Variants in NR3C2 observed in about 807,000 individuals in gnomAD.
NR3C2 encodes mineralocorticoid receptor.
A neutral mutation model predicts 86.4 loss-of-function variants in NR3C2; 15 were observed. The ratio of observed to expected loss-of-function variants is 0.17; its 90% CI spans 0.12 to 0.27. The LOEUF (loss-of-function observed/expected upper bound fraction) is 0.27. Among genes scored for constraint, NR3C2 ranks in the 10% least tolerant of loss-of-function variants. NR3C2 has a pLI of 1.00. For missense variants in NR3C2, 960 were observed against 1,195.6 expected, an observed-to-expected ratio of 0.80 and a Z score of 2.91; for synonymous variants, 458 against 450.5, an observed-to-expected ratio of 1.02 and a Z score of -0.21.
At chr4:148,164,942 T>C (rs888607228) in intron 4 of NR3C2, among the ~76,000 whole-genome samples, 1 of 152,112 alleles carries the variant, frequency 6.6e-6, no homozygotes, top group Non-Finnish European at 1.5e-5. Context: ...CCTACAGTGG[T>C]AGAAATGTGC....
chr4:148,188,743 G>A (rs1045386103), intron 4 of NR3C2, among the ~76,000 whole-genome samples: 4 of 151,914 alleles, frequency 2.6e-5, no homozygotes, highest in Admixed American at 2.0e-4. Flanking sequence ...TTGTCTGATC[G>A]CTCTGGCTAG....
intron 2 of NR3C2, among the ~76,000 whole-genome samples, chr4:148,297,867 C>T (rs546187053): frequency 4.8e-5 from 7 of 147,340 alleles, no homozygotes; most frequent in East Asian, 2.0e-4. Flanking sequence ...CCAGCCTGGG[C>T]GACAAAAGTG....
chr4:148,375,468 A>G (rs1200825690), intron 2 of NR3C2, among the ~76,000 whole-genome samples: 5 of 152,064 alleles, frequency 3.3e-5, no homozygotes, highest in Admixed American at 2.0e-4. Flanking sequence ...AGAAAGAAAA[A>G]AAAAAAAACC....
chr4:148,280,541 C>T (rs1001984994), intron 2 of NR3C2, among the ~76,000 whole-genome samples: 9 of 152,112 alleles, frequency 5.9e-5, no homozygotes, highest in Non-Finnish European at 1.2e-4. Flanking sequence ...CATTATTGCC[C>T]AGGCTGGAGT....
intron 7 of NR3C2, among the ~76,000 whole-genome samples, chr4:148,118,909 T>G (rs2149732179): frequency 6.6e-6 from 1 of 152,244 alleles, no homozygotes; most frequent in South Asian, 2.1e-4. Context: ...TACCCCCCAT[T>G]ATTTCCACAG....
intron 3 of NR3C2, among the ~76,000 whole-genome samples, chr4:148,224,192 C>T (rs1031568821): frequency 5.3e-5 from 8 of 151,514 alleles, no homozygotes; most frequent in African/African-American, 1.9e-4. Flanking sequence ...ATGCAAATCC[C>T]TAATCTCAGG....
intron 8 of NR3C2, among the ~76,000 whole-genome samples, chr4:148,094,175 T>C (rs1212360167): frequency 6.6e-6 from 1 of 152,068 alleles, no homozygotes; most frequent in Non-Finnish European, 1.5e-5. Flanking sequence ...AGGATGGCTA[T>C]TATCAAAAAA....
At chr4:148,086,517 T>C (rs1262216503) in intron 8 of NR3C2, among the ~76,000 whole-genome samples, 1 of 152,150 alleles carries the variant, frequency 6.6e-6, no homozygotes, top group Non-Finnish European at 1.5e-5. Context: ...GGCGGATCAC[T>C]TGAGGTCAGG....
In NR3C2 at chr4:148,241,767, G is replaced by A. The variant is rs577445288; in HGVS notation, c.1897+18211C>T. 2.0e-5 allele frequency among the ~76,000 whole-genome samples: 3 copies of A among 152,316 alleles called. No homozygotes were observed. In the South Asian group the frequency reaches 6.2e-4, roughly 32 times the overall value. On this transcript the variant is annotated intron_variant, in intron 3 of 8. Coordinates refer to ENST00000358102, the MANE Select transcript of NR3C2 (RefSeq NM_000901.5). ...GCCTCTGCCCCCAGTGCCAATGACA[G>A]CATCTGACACCCAGGAGATATTCAA...
intron 2 of NR3C2, among the ~76,000 whole-genome samples, chr4:148,311,253 C>T (rs1427305817): frequency 6.6e-6 from 1 of 152,102 alleles, no homozygotes; most frequent in African/African-American, 2.4e-5. Flanking sequence ...TAACTCCAAA[C>T]CAAACTTCTC....
chr4:148,290,802 T>C (rs533945107), intron 2 of NR3C2, among the ~76,000 whole-genome samples: 1 of 152,338 alleles, frequency 6.6e-6, no homozygotes, highest in African/African-American at 2.4e-5. Flanking sequence ...TCACTTCTGA[T>C]ATTACTTCTC....
intron 2 of NR3C2, among the ~76,000 whole-genome samples, chr4:148,337,450 A>G (rs891938837): frequency 1.3e-5 from 2 of 152,230 alleles, no homozygotes; most frequent in African/African-American, 4.8e-5. Context: ...CTGACATAGA[A>G]GTTACAGTTT....
At chr4:148,114,030 CTG>C (rs1266607048) in intron 8 of NR3C2, 72 bp downstream of exon 8, 1 of 1,568,414 alleles carries the variant, frequency 6.4e-7, no homozygotes, top group African/African-American at 1.4e-5. Context: ...CTCTCAGTCT[CTG>C]TTTCCTTTGG....
At chr4:148,121,808 T>A (rs1018901602) in intron 6 of NR3C2, among the ~76,000 whole-genome samples, 2 of 152,266 alleles carry the variant, frequency 1.3e-5, no homozygotes, top group African/African-American at 4.8e-5. Context: ...GTAACTAAGT[T>A]AATTCATTTT....
chr4:148,201,176 TG>T (rs2149808363), intron 3 of NR3C2: 1 of 152,324 alleles, frequency 6.6e-6, no homozygotes, highest in South Asian at 2.1e-4. Flanking sequence ...GATCTGATTA[TG>T]ACATCATCTG....
intron 8 of NR3C2, among the ~76,000 whole-genome samples, chr4:148,097,537 G>C (rs1410422019): frequency 2.0e-5 from 3 of 152,110 alleles, no homozygotes; most frequent in Non-Finnish European, 4.4e-5. Context: ...CTTCCTACTT[G>C]CTAAAAGTCA....
At position 148,355,584 on chromosome 4, in the gene NR3C2, C is replaced by A. The variant is rs960377789; in HGVS notation, c.1757+79520G>T. Among the ~76,000 whole-genome samples, 9 of 152,270 alleles carry A rather than the reference C, an allele frequency of 5.9e-5. 1 individual carries two copies. The highest frequency in any genetic ancestry group is 1.9e-4 in the African/African-American group (8 of 41,558). ...ACTCCTGGGGCACCTGGGAACAAAGCCAGCACCCCTCTCTCACTGGATGCT... is the reference window on the plus strand; with the variant it reads ...ACTCCTGGGGCACCTGGGAACAAAGACAGCACCCCTCTCTCACTGGATGCT... On this transcript the variant is annotated intron_variant, in intron 2 of 8. Coordinates refer to ENST00000358102, the MANE Select transcript of NR3C2 (RefSeq NM_000901.5).
intron 1 of NR3C2, among the ~76,000 whole-genome samples, chr4:148,438,904 C>A (rs1480174495): frequency 2.0e-5 from 3 of 152,272 alleles, no homozygotes; most frequent in African/African-American, 4.8e-5. Flanking sequence ...ATTATAATAT[C>A]AATGCTCAAT....
At chr4:148,277,588 G>A (rs1274629133) in intron 2 of NR3C2, among the ~76,000 whole-genome samples, 1 of 152,052 alleles carries the variant, frequency 6.6e-6, no homozygotes, top group African/African-American at 2.4e-5. Context: ...GGGCAACACA[G>A]TAAGACCACA....
Sources: gnomAD v4.1 joint callset for allele counts (sites outside exome capture counted in the v4.1 genomes callset) on GRCh38, gnomAD v4.1.1 for gene constraint, MANE v1.5 for transcripts, NCBI Gene and HGNC (gene_info 2026-07-23, HGNC 2026-07-21) for gene names.